The following STK32C variants were observed in gnomAD, a reference collection of about 807,000 sequenced individuals.
STK32C encodes serine/threonine-protein kinase 32C.
STK32C carries 31 observed loss-of-function variants against 56.5 expected under a neutral mutation model. The ratio of observed to expected loss-of-function variants is 0.55; its 90% CI spans 0.41 to 0.74. The LOEUF is 0.74. Among genes scored for constraint, STK32C ranks in the 30% least tolerant of loss-of-function variants. STK32C has a pLI of 0.00. For synonymous variants in STK32C, 309 were observed against 289.4 expected (o/e 1.07, Z -0.69); for missense variants, 544 against 676.9 (o/e 0.80, Z 2.18).
intron 11 of STK32C, among the ~76,000 whole-genome samples, chr10:132,208,831 C>G (rs963500448): frequency 1.3e-5 from 2 of 152,162 alleles, no homozygotes; most frequent in African/African-American, 2.4e-5. Context: ...CAGCCACGGG[C>G]CCCGCGTGGA....
chr10:132,232,073 G>T (rs1042936004), intron 2 of STK32C, among the ~76,000 whole-genome samples: 4 of 152,254 alleles, frequency 2.6e-5, no homozygotes, highest in Admixed American at 6.5e-5. Context: ...CTGAGCACCT[G>T]CGGCCACGCC....
chr10:132,280,593 CACGCCACTCCACTCT>C (rs1411410693), intron 1 of STK32C, among the ~76,000 whole-genome samples: 6 of 147,384 alleles, frequency 4.1e-5, no homozygotes, highest in Admixed American at 6.8e-5. Context: ...ACCCTGTGAT[CACGCCACTCCACTCT>C]GTGACCACGC....
intron 1 of STK32C, among the ~76,000 whole-genome samples, chr10:132,297,522 C>T (rs570813324): frequency 1.3e-5 from 2 of 152,352 alleles, no homozygotes; most frequent in East Asian, 3.9e-4. Context: ...TTTTTCCTCC[C>T]CTTTTCCTTT....
intron 2 of STK32C, among the ~76,000 whole-genome samples, chr10:132,245,488 G>C (rs932474434): frequency 6.6e-6 from 1 of 152,248 alleles, no homozygotes; most frequent in Admixed American, 6.5e-5. Flanking sequence ...GACAGCAGCA[G>C]GGCACTCTGG....
chr10:132,237,847 A>G (rs534398131), intron 2 of STK32C, among the ~76,000 whole-genome samples: 123 of 152,276 alleles, frequency 8.1e-4, no homozygotes, highest in African/African-American at 2.5e-3. Flanking sequence ...ACCATTTAGG[A>G]ACCTCCAGCT....
intron 10 of STK32C, among the ~76,000 whole-genome samples, chr10:132,221,872 G>A (rs754737405): frequency 7.1e-5 from 7 of 98,274 alleles, no homozygotes; most frequent in South Asian, 3.5e-4. Context: ...GGCCATCCCT[G>A]CACACACAAC....
chr10:132,311,904 A>T (rs1342044723), upstream of STK32C, among the ~76,000 whole-genome samples: 15 of 152,158 alleles, frequency 9.9e-5, no homozygotes, highest in Non-Finnish European at 2.9e-5. The surrounding 1 kb of genome is among the most constrained non-coding windows in gnomAD (Gnocchi z 4.4). Context: ...TGGTGGCAAA[A>T]GGCCACCATT....
At chr10:132,326,326 G>C (rs867781310) in intron 1 of STK32C, among the ~76,000 whole-genome samples, 1 of 152,160 alleles carries the variant, frequency 6.6e-6, no homozygotes, top group East Asian at 1.9e-4. Flanking sequence ...TGTTCTGTCA[G>C]TCTTAAAACC....
intron 1 of STK32C, among the ~76,000 whole-genome samples, chr10:132,297,802 C>T (rs1054430108): frequency 6.6e-6 from 1 of 152,254 alleles, no homozygotes; most frequent in Non-Finnish European, 1.5e-5. Context: ...CCGCGGCCAG[C>T]AGCAGGTGCA....
At chr10:132,303,215 G>C (rs2065961177) in intron 1 of STK32C, among the ~76,000 whole-genome samples, 1 of 152,238 alleles carries the variant, frequency 6.6e-6, no homozygotes, top group Non-Finnish European at 1.5e-5. Flanking sequence ...CTCATCCTGG[G>C]AAAGAGGAGA....
rs183044977 is a variant in STK32C at position 132,259,750 on chromosome 10, C to T, written c.263-13795G>A. Among the ~76,000 whole-genome samples the T allele has an allele frequency of 1.4e-3, 214 of 152,310 alleles. 1 individual carries two copies. Among genetic ancestry groups the T allele is most frequent in the African/African-American group, 4.6e-3 (193 of 41,552 alleles). ...ATTACCCAGTCTCAGGTAGTTCTAG[C>T]AATGCGAAAACGGACTAATAACCAC... On this transcript the variant is annotated intron_variant, in intron 1 of 11. Transcript: ENST00000298630.
At chr10:132,268,365 CT>C (rs2064668378) in intron 1 of STK32C, among the ~76,000 whole-genome samples, 1 of 128,086 alleles carries the variant, frequency 7.8e-6, no homozygotes, top group Non-Finnish European at 1.7e-5. Flanking sequence ...AGCTCTATGC[CT>C]GTCTGTGTGC....
intron 1 of STK32C, among the ~76,000 whole-genome samples, chr10:132,266,216 A>G (rs567486576): frequency 2.0e-5 from 3 of 152,338 alleles, no homozygotes; most frequent in Non-Finnish European, 4.4e-5. Context: ...CATTGAGGGA[A>G]AGAAGCCAGG....
chr10:132,271,602 G>A (rs775217976), intron 1 of STK32C, among the ~76,000 whole-genome samples: 2 of 152,204 alleles, frequency 1.3e-5, no homozygotes, highest in Admixed American at 6.5e-5. Context: ...AGCATGACAC[G>A]GTCATGTCCG....
At position 132,307,531 on chromosome 10, in the gene STK32C, A is replaced by C; in HGVS notation, c.262+41T>G. 4.7e-6 allele frequency: 7 copies of C among 1,497,796 alleles called. No individual in the cohort carries two copies. The highest frequency in any genetic ancestry group is 6.0e-5 in the East Asian group (2 of 33,598). The allele number at this position is 1,497,796 out of a possible 1,614,324, so 92.8% of individuals were successfully genotyped here. On this transcript the variant is annotated intron_variant, in intron 1 of 11. Transcript: ENST00000298630. The surrounding 1 kb of genome is among the most constrained non-coding windows in gnomAD (Gnocchi z 4.4). ...CCGCCCAGCCGCGCCCGCCCCTGCA[A>C]TAGCGCGCGGCCCCCACGTCGTCCC...
intron 1 of STK32C, among the ~76,000 whole-genome samples, chr10:132,254,393 G>C (rs899573601): frequency 6.6e-6 from 1 of 152,246 alleles, no homozygotes; most frequent in South Asian, 2.1e-4. Flanking sequence ...TCCCAATGAG[G>C]ACAGCAAAAG....
chr10:132,219,102 A>G (rs2062556009), intron 10 of STK32C, among the ~76,000 whole-genome samples: 1 of 152,322 alleles, frequency 6.6e-6, no homozygotes, highest in East Asian at 1.9e-4. Flanking sequence ...ACATTACATG[A>G]AAAGGTTCTA....
intron 1 of STK32C, among the ~76,000 whole-genome samples, chr10:132,250,923 A>C (rs950644101): frequency 6.6e-6 from 1 of 152,132 alleles, no homozygotes; most frequent in African/African-American, 2.4e-5. Flanking sequence ...GGCCACCTCC[A>C]CGCCCACCTC....
At chr10:132,235,493 T>TCAAAAAAAG (rs1565091831) in intron 2 of STK32C, among the ~76,000 whole-genome samples, 1 of 72,410 alleles carries the variant, frequency 1.4e-5, no homozygotes, top group African/African-American at 5.1e-5. Flanking sequence ...AGACTCAGCC[T>TCAAAAAAAG]TAAAAAAAAA....
Sources: allele counts gnomAD v4.1 joint callset (sites outside exome capture counted in the v4.1 genomes callset), GRCh38; gene constraint gnomAD v4.1.1; non-coding constraint Gnocchi (gnomAD v3.1); transcripts MANE v1.5; gene names NCBI Gene and HGNC (gene_info 2026-07-23, HGNC 2026-07-21).